The following GRIP2 variants were observed in gnomAD, a reference collection of about 807,000 sequenced individuals.
GRIP2 encodes glutamate receptor interacting protein 2.
A neutral mutation model predicts 108.3 loss-of-function variants in GRIP2; 58 were observed. The observed-to-expected ratio is 0.54, with a 90% confidence interval of 0.43 to 0.67. The LOEUF (loss-of-function observed/expected upper bound fraction) is 0.67, where lower values mean the gene tolerates loss of function less well. Ranked by LOEUF, GRIP2 falls within the 30% of genes least tolerant of loss-of-function variation. The pLI is 0.00. For synonymous variants in GRIP2, 586 were observed against 598.2 expected, an observed-to-expected ratio of 0.98 and a Z score of 0.30; for missense variants, 1,278 against 1,430.6, an observed-to-expected ratio of 0.89 and a Z score of 1.72.
At chr3:14,504,638 A>C (rs1693867901) in intron 20 of GRIP2, among the ~76,000 whole-genome samples, 1 of 152,164 alleles carries the variant, frequency 6.6e-6, no homozygotes, top group African/African-American at 2.4e-5. Context: ...GGGGCACGCA[A>C]GCTTTGCTAT....
chr3:14,518,556 C>T (rs1038908091), intron 9 of GRIP2, among the ~76,000 whole-genome samples: 1 of 152,070 alleles, frequency 6.6e-6, no homozygotes, highest in African/African-American at 2.4e-5. Flanking sequence ...CCCCGACCCC[C>T]TAGGAGACCC....
intron 22 of GRIP2, among the ~76,000 whole-genome samples, chr3:14,495,468 G>A (rs539807461): frequency 5.0e-4 from 76 of 152,224 alleles, no homozygotes; most frequent in African/African-American, 1.8e-3. Flanking sequence ...GTGCAACGGC[G>A]TGATCTCAGC....
At chr3:14,567,976 A>C in the GRIP2 span, among the ~76,000 whole-genome samples, 2 of 152,236 alleles carry the variant, frequency 1.3e-5, no homozygotes, top group Admixed American at 1.3e-4. Context: ...TTGCTGAGCC[A>C]GGCAAAGAAC....
the GRIP2 span, among the ~76,000 whole-genome samples, chr3:14,584,316 C>T: frequency 2.0e-5 from 3 of 152,180 alleles, no homozygotes; most frequent in Non-Finnish European, 2.9e-5. Context: ...GAACAGACTC[C>T]ACTTGGGGCT....
At position 14,493,579 on chromosome 3, in the gene GRIP2, G is replaced by C. The variant is rs1049040623; in HGVS notation, c.*86C>G. On this transcript the variant is annotated 3_prime_UTR_variant, in exon 24 of 24. Coordinates refer to ENST00000621039, the MANE Select transcript of GRIP2 (RefSeq NM_001080423.4). Reference sequence around the variant, plus strand: ...TGCCAGACCAACAGATGAATGAGTGGGTGGCCGCTTCTCCAGCCCAGCTAC... The same window carrying C: ...TGCCAGACCAACAGATGAATGAGTGCGTGGCCGCTTCTCCAGCCCAGCTAC... 22 of 1,396,562 alleles carry C rather than the reference G, an allele frequency of 1.6e-5. No individual in the cohort carries two copies. Among genetic ancestry groups the C allele is most frequent in the Admixed American group, 4.6e-5 (2 of 43,420 alleles). 86.5% of individuals were successfully genotyped at this position (1,396,562 alleles called of 1,614,324 possible).
chr3:14,521,814 TG>T lies in GRIP2; in HGVS notation c.567-28del. The T allele has an allele frequency of 6.4e-7, 1 of 1,552,322 alleles. No homozygotes were observed. The highest frequency in any genetic ancestry group is 8.7e-7 in the Non-Finnish European group (1 of 1,149,366). On this transcript the variant is annotated intron_variant, in intron 6 of 23. Coordinates refer to ENST00000621039, the MANE Select transcript of GRIP2 (RefSeq NM_001080423.4). This position sits in a 1 kb window ranked among gnomAD's most constrained non-coding sequence, Gnocchi z 5.1. ...TGTAGGGAAGGGCCAGTCACCAGCC[TG>T]GCCCGGCAGCAGCACTGGGCACAGC...
intron 21 of GRIP2, among the ~76,000 whole-genome samples, chr3:14,500,358 T>C (rs999519475): frequency 6.6e-6 from 1 of 152,214 alleles, no homozygotes; most frequent in Non-Finnish European, 1.5e-5. Flanking sequence ...TTTTCCAGCA[T>C]AGAAGGCAAA....
intron 1 of GRIP2, among the ~76,000 whole-genome samples, chr3:14,536,617 C>T (rs1032712653): frequency 2.6e-5 from 4 of 152,232 alleles, no homozygotes; most frequent in Admixed American, 6.5e-5. Context: ...GGGCTCCTGT[C>T]CAGCAGGCCT....
At chr3:14,602,703 C>T in the GRIP2 span, among the ~76,000 whole-genome samples, 1 of 151,904 alleles carries the variant, frequency 6.6e-6, no homozygotes, top group African/African-American at 2.4e-5. This position sits in a 1 kb window ranked among gnomAD's most constrained non-coding sequence, Gnocchi z 4.7. Context: ...GCTGGCTTTC[C>T]GGGACCAGGC....
At chr3:14,566,625 G>A in the GRIP2 span, among the ~76,000 whole-genome samples, 2 of 152,210 alleles carry the variant, frequency 1.3e-5, no homozygotes, top group Non-Finnish European at 2.9e-5. Context: ...ACCATTCAGT[G>A]TTCAAAGGGA....
At chr3:14,560,460 T>C (rs1235800809), upstream of GRIP2, among the ~76,000 whole-genome samples, 1 of 152,128 alleles carries the variant, frequency 6.6e-6, no homozygotes, top group African/African-American at 2.4e-5. Flanking sequence ...CAGGAGAGCC[T>C]TGACCCAAAG....
chr3:14,526,116 C>T (rs1373126693), intron 1 of GRIP2, 185 bp from the exon 2 acceptor site: 2 of 628,896 alleles, frequency 3.2e-6, no homozygotes, highest in Non-Finnish European at 5.8e-6. Context: ...AAAGCCTGGC[C>T]CCTGCTCTTG....
Position 14,493,689 on chromosome 3 carries a change from G to A in GRIP2, c.3108C>T (p.Gly1036=). The change falls in exon 24 of 24, where the codon GGC becomes GGT. Residue 1036 remains glycine (G), a synonymous_variant. Transcript: ENST00000621039. ...AHSSRAPRSP[G]PSSPRML is the part of the protein sequence containing the mutation. ...TTCAGAGCATCCGGGGACTGCTGGG[G>A]CCTGGCGATCGGGGGGCCCGGCTGC... 6.2e-7 allele frequency: 1 copy of A among 1,606,682 alleles called. No homozygotes were observed. Among genetic ancestry groups the A allele is most frequent in the Non-Finnish European group, 8.5e-7 (1 of 1,177,016 alleles).
rs546320061 is a variant in GRIP2 at position 14,517,867 on chromosome 3, C to T, written c.1061G>A (p.Arg354His). Residue 354 changes from arginine (R) to histidine (H), a missense_variant, in exon 10 of 24, where the codon CGC (arginine) becomes CAC (histidine). Arg to His is a conservative substitution (Grantham distance 29). Coordinates refer to ENST00000621039, the MANE Select transcript of GRIP2 (RefSeq NM_001080423.4). ...VKVQRSEQLH[R>H]WDPCVPSCHS... Reference sequence around the variant, plus strand: ...GCAGGAGGGCACGCAGGGGTCCCAGCGGTGCAGCTGCTCACTCCTCTGCAC... The same window carrying T: ...GCAGGAGGGCACGCAGGGGTCCCAGTGGTGCAGCTGCTCACTCCTCTGCAC... 8.8e-6 allele frequency: 14 copies of T among 1,593,412 alleles called. No homozygotes were observed. The highest frequency in any genetic ancestry group is 5.4e-5 in the African/African-American group (4 of 74,406).
the GRIP2 span, among the ~76,000 whole-genome samples, chr3:14,596,970 T>C: frequency 6.6e-6 from 1 of 152,186 alleles, no homozygotes; most frequent in Non-Finnish European, 1.5e-5. Flanking sequence ...CTCAAACTCC[T>C]GAGCTCAAGT....
In GRIP2 at chr3:14,507,378, GC is replaced by G. The variant is rs1693959722; in HGVS notation, c.2218+182del. Among the ~76,000 whole-genome samples, 1 of 152,256 alleles carries G rather than the reference GC, an allele frequency of 6.6e-6. No homozygotes were observed. The highest frequency in any genetic ancestry group is 1.5e-5 in the Non-Finnish European group (1 of 68,046). On this transcript the variant is annotated intron_variant, in intron 18 of 23. Coordinates refer to ENST00000621039, the MANE Select transcript of GRIP2 (RefSeq NM_001080423.4). The surrounding 1 kb of genome is among the most constrained non-coding windows in gnomAD (Gnocchi z 4.6). ...GGCTCAGACCCAGATTCTGCCCCGT[GC>G]CCACTGTGTGGCCCTGGGCTCATCA...
chr3:14,572,816 T>C, the GRIP2 span: 1 of 868,010 alleles, frequency 1.2e-6, no homozygotes, highest in South Asian at 1.5e-5. Context: ...TCTGGCCTGC[T>C]GGAGCGCATG....
chr3:14,592,363 C>G, the GRIP2 span, among the ~76,000 whole-genome samples: 1 of 152,290 alleles, frequency 6.6e-6, no homozygotes, highest in African/African-American at 2.4e-5. Context: ...GCCCCGAGGC[C>G]GAGTCTCCTG....
intron 20 of GRIP2, 47 bp from the exon 21 acceptor site, chr3:14,503,718 G>A: frequency 1.7e-6 from 2 of 1,187,098 alleles, no homozygotes; most frequent in Non-Finnish European, 1.2e-6. Context: ...AGGCGGGTGG[G>A]CGGGCTGGGG....
Sources: gnomAD v4.1 joint callset for allele counts (sites outside exome capture counted in the v4.1 genomes callset) on GRCh38, gnomAD v4.1.1 for gene constraint, Gnocchi (gnomAD v3.1) non-coding constraint, MANE v1.5 for transcripts, NCBI Gene and HGNC (gene_info 2026-07-23, HGNC 2026-07-21) for gene names.